The following NTM variants were observed in gnomAD, a reference collection of about 807,000 sequenced individuals.
The protein encoded by NTM is IgLON family member 2.
A neutral mutation model predicts 42.1 loss-of-function variants in NTM; 13 were observed. The ratio of observed to expected loss-of-function variants is 0.31; its 90% CI spans 0.20 to 0.49. The LOEUF (loss-of-function observed/expected upper bound fraction) is 0.49. Among genes scored for constraint, NTM ranks in the 20% least tolerant of loss-of-function variants. The pLI is 0.99. For synonymous variants in NTM, 187 were observed against 179.2 expected (o/e 1.04, Z -0.35); for missense variants, 373 against 452.8 (o/e 0.82, Z 1.60).
chr11:131,837,835 G>A (rs1170114472), intron 1 of NTM, among the ~76,000 whole-genome samples: 4 of 152,164 alleles, frequency 2.6e-5, no homozygotes, highest in African/African-American at 7.2e-5. Flanking sequence ...GTGCCCTGAC[G>A]TGGGAACACA....
chr11:131,392,866 G>A (rs561030631), intron 1 of NTM, among the ~76,000 whole-genome samples: 3 of 152,318 alleles, frequency 2.0e-5, no homozygotes, highest in African/African-American at 7.2e-5. Flanking sequence ...TGGAGTGCCT[G>A]TGCATCTCTG....
At chr11:131,488,452 G>T (rs1356659330) in intron 1 of NTM, among the ~76,000 whole-genome samples, 1 of 152,032 alleles carries the variant, frequency 6.6e-6, no homozygotes, top group East Asian at 1.9e-4. Context: ...CTTCCAGAAG[G>T]GCAAAAGCCG....
intron 2 of NTM, among the ~76,000 whole-genome samples, chr11:131,976,116 A>ATTCCTTCATTCC: frequency 8.1e-6 from 1 of 123,872 alleles, no homozygotes; most frequent in South Asian, 3.3e-4. Context: ...TCCCTCCCTC[A>ATTCCTTCATTCC]TTCCTTCCTT....
rs1253336278 is a variant in NTM, at chr11:131,917,878, AAAAACTAAAATGGG to A, written c.167+6241_167+6254del. On this transcript the variant is annotated intron_variant, in intron 2 of 8. Transcript: ENST00000683400. ...AAGCACATTCAGCTGTTGAGGAGCCAAAAACTAAAATGGGAAAACTAAAAACTCAACCAAACATA... is the reference window on the plus strand; with the variant it reads ...AAGCACATTCAGCTGTTGAGGAGCCAAAAACTAAAAACTCAACCAAACATA... Among the ~76,000 whole-genome samples, 5 of 152,236 alleles carry A rather than the reference AAAAACTAAAATGGG, an allele frequency of 3.3e-5. No individual in the cohort carries two copies. In the South Asian group the frequency reaches 1.0e-3, roughly 32 times the overall value.
chr11:132,008,116 G>A (rs1293192108), intron 2 of NTM, among the ~76,000 whole-genome samples: 1 of 152,170 alleles, frequency 6.6e-6, no homozygotes, highest in African/African-American at 2.4e-5. Context: ...GGCACAGTGT[G>A]ACTAAGCAGG....
chr11:131,568,936 T>C (rs1346433016), intron 1 of NTM, among the ~76,000 whole-genome samples: 3 of 152,162 alleles, frequency 2.0e-5, no homozygotes, highest in Non-Finnish European at 4.4e-5. Flanking sequence ...CCAGAACATA[T>C]CATTCACCTG....
intron 1 of NTM, among the ~76,000 whole-genome samples, chr11:131,545,295 CTT>C (rs1456159973): frequency 6.6e-6 from 1 of 151,922 alleles, no homozygotes; most frequent in Non-Finnish European, 1.5e-5. Context: ...TTGTCTTTTT[CTT>C]TTTCTTTTTT....
At chr11:131,494,654 A>G (rs532010297) in intron 1 of NTM, among the ~76,000 whole-genome samples, 1 of 152,358 alleles carries the variant, frequency 6.6e-6, no homozygotes, top group South Asian at 2.1e-4. Context: ...TCTTGAATGA[A>G]CGCATAAATA....
intron 1 of NTM, among the ~76,000 whole-genome samples, chr11:131,552,912 G>A (rs752173697): frequency 3.9e-5 from 6 of 151,970 alleles, no homozygotes; most frequent in Non-Finnish European, 5.9e-5. Flanking sequence ...TCAACGGAAC[G>A]TCAAACAGCA....
At chr11:131,774,178 C>A in intron 1 of NTM, 2 of 937,602 alleles carry the variant, frequency 2.1e-6, no homozygotes, top group Non-Finnish European at 2.5e-6. Flanking sequence ...AAGAGATTTT[C>A]TTTATCTCCA....
At chr11:131,821,048 T>C (rs2093166830) in intron 1 of NTM, among the ~76,000 whole-genome samples, 1 of 151,294 alleles carries the variant, frequency 6.6e-6, no homozygotes, top group Admixed American at 6.6e-5. Flanking sequence ...TCTAATTATG[T>C]AATAAGATGA....
intron 2 of NTM, among the ~76,000 whole-genome samples, chr11:131,958,898 T>C (rs1188656210): frequency 1.3e-5 from 2 of 152,228 alleles, no homozygotes; most frequent in Non-Finnish European, 2.9e-5. Flanking sequence ...AAGAAATCAC[T>C]GTGGCCTATT....
At chr11:131,729,445 A>G (rs528914311) in intron 1 of NTM, among the ~76,000 whole-genome samples, 2 of 152,232 alleles carry the variant, frequency 1.3e-5, no homozygotes, top group Non-Finnish European at 2.9e-5. Context: ...GATATAATTC[A>G]TGCTGCAAAA....
chr11:131,542,787 G>A (rs565107696), intron 1 of NTM, among the ~76,000 whole-genome samples: 1 of 152,284 alleles, frequency 6.6e-6, no homozygotes, highest in Non-Finnish European at 1.5e-5. Context: ...AGGGAAGGAA[G>A]AAAGAGCCTC....
intron 1 of NTM, among the ~76,000 whole-genome samples, chr11:131,647,137 C>A (rs1392351232): frequency 6.6e-6 from 1 of 152,184 alleles, no homozygotes; most frequent in African/African-American, 2.4e-5. Context: ...GATTATATCC[C>A]CCACCAACTT....
At chr11:131,799,073 C>T (rs1040284025) in intron 1 of NTM, among the ~76,000 whole-genome samples, 1 of 152,194 alleles carries the variant, frequency 6.6e-6, no homozygotes, top group Non-Finnish European at 1.5e-5. Context: ...TTTAGTAAAG[C>T]ACTTTCTTGT....
chr11:132,310,018 T>C, intron 5 of NTM, 94 bp from the exon 6 acceptor site: 1 of 1,433,658 alleles, frequency 7.0e-7, no homozygotes, highest in Non-Finnish European at 9.2e-7. Flanking sequence ...ATCATGCCAC[T>C]GCATTCCAGC....
chr11:132,294,146 G>A (rs565885278), intron 4 of NTM, among the ~76,000 whole-genome samples: 3 of 152,218 alleles, frequency 2.0e-5, no homozygotes, highest in Admixed American at 6.5e-5. Context: ...ATGAGAACAC[G>A]GTAGTCACAG....
At chr11:132,063,570 G>A (rs536154841) in intron 2 of NTM, among the ~76,000 whole-genome samples, 93 of 152,274 alleles carry the variant, frequency 6.1e-4, no homozygotes, top group South Asian at 2.9e-3. Context: ...AGCCTGAAAA[G>A]CTACTGGAAT....
Sources: gnomAD v4.1 joint callset for allele counts (sites outside exome capture counted in the v4.1 genomes callset) on GRCh38, gnomAD v4.1.1 for gene constraint, MANE v1.5 for transcripts, NCBI Gene and HGNC (gene_info 2026-07-23, HGNC 2026-07-21) for gene names.